Variants in RSBN1L observed in about 807,000 individuals in gnomAD.
The protein encoded by RSBN1L is round spermatid basic protein 1 like.
RSBN1L carries 30 observed loss-of-function variants against 67.7 expected under a neutral mutation model. That is an observed-to-expected ratio of 0.44 (90% CI 0.33 to 0.60). The LOEUF is 0.60. Ranked by LOEUF, RSBN1L falls within the 20% of genes least tolerant of loss-of-function variation. RSBN1L has a pLI of 0.02. For synonymous variants in RSBN1L, 433 were observed against 387.0 expected (o/e 1.12, Z -1.39); for missense variants, 992 against 1,031.7 (o/e 0.96, Z 0.53).
Position 77,768,642 on chromosome 7 carries a change from C to T in RSBN1L, c.1483-19C>T, listed in dbSNP as rs759287644. 11 of 1,602,010 alleles carry T rather than the reference C, an allele frequency of 6.9e-6. No individual in the cohort carries two copies. Among genetic ancestry groups the T allele is most frequent in the Middle Eastern group, 1.7e-4 (1 of 5,974 alleles). On this transcript the variant is annotated intron_variant, in intron 4 of 7. Coordinates refer to ENST00000334955, the MANE Select transcript of RSBN1L (RefSeq NM_198467.3). ...ACATTTTGAAAATAATTGCAATCTG[C>T]ATAATTATTTATCTCCAGTGTACAC...
chr7:77,776,338 C>T (rs1791914198), intron 6 of RSBN1L, among the ~76,000 whole-genome samples: 1 of 152,182 alleles, frequency 6.6e-6, no homozygotes, highest in Admixed American at 6.5e-5. Flanking sequence ...AGTATATTCA[C>T]AGAGTTATGC....
intron 1 of RSBN1L, among the ~76,000 whole-genome samples, chr7:77,706,065 AC>A: frequency 6.7e-6 from 1 of 148,812 alleles, no homozygotes; most frequent in South Asian, 2.1e-4. Flanking sequence ...TGCCCGCCTA[AC>A]TTTTTTATTT....
intron 1 of RSBN1L, among the ~76,000 whole-genome samples, chr7:77,713,724 A>G (rs1182458163): frequency 6.6e-6 from 1 of 151,422 alleles, no homozygotes; most frequent in East Asian, 1.9e-4. Context: ...GCTGATCTCA[A>G]ATTCCTGGCC....
rs1791998490 is a variant in RSBN1L, at chr7:77,781,586, TAAAG to T, written c.*2419_*2422del. On this transcript the variant is annotated 3_prime_UTR_variant, in exon 8 of 8. Coordinates refer to ENST00000334955, the MANE Select transcript of RSBN1L (RefSeq NM_198467.3). ...AATAGGAGCCTTAAACTTTTTAACT[TAAAG>T]GAAGGCATATCTAAAAACCATAGTG... 6.6e-6 allele frequency: 1 copy of T among 152,220 alleles called. No homozygotes were observed. Among genetic ancestry groups the T allele is most frequent in the South Asian group, 2.1e-4 (1 of 4,834 alleles). 9.4% of individuals were successfully genotyped at this position (152,220 alleles called of 1,614,324 possible).
At chr7:77,752,548 C>A (rs559226826) in intron 3 of RSBN1L, among the ~76,000 whole-genome samples, 1 of 152,264 alleles carries the variant, frequency 6.6e-6, no homozygotes, top group African/African-American at 2.4e-5. Context: ...CATGCTTCTT[C>A]TTGCACAGTT....
chr7:77,780,965 C>G lies in RSBN1L; in HGVS notation c.*1797C>G, dbSNP rs907740608. 1.3e-5 allele frequency: 2 copies of G among 152,234 alleles called. No homozygotes were observed. Among genetic ancestry groups the G allele is most frequent in the African/African-American group, 4.8e-5 (2 of 41,452 alleles). The allele number at this position is 152,234 out of a possible 1,614,324, so 9.4% of individuals were successfully genotyped here. A position where few individuals can be genotyped will look rare whatever the true frequency, so the allele number is the denominator to read the frequency against. On this transcript the variant is annotated 3_prime_UTR_variant, in exon 8 of 8. Transcript: ENST00000334955. ...TTTTTGGTATTATTCTGGGCACATA[C>G]TTTGGTTGATGACTTTCAATTGGGG...
intron 3 of RSBN1L, among the ~76,000 whole-genome samples, chr7:77,763,168 T>TTTA (rs1419930493): frequency 6.9e-6 from 1 of 145,908 alleles, no homozygotes; most frequent in African/African-American, 2.5e-5. Context: ...TTTTTTTTTT[T>TTTA]TGGTCTCGCT....
rs929478936 is a variant in RSBN1L, at chr7:77,779,578, A to T, written c.*410A>T. On this transcript the variant is annotated 3_prime_UTR_variant, in exon 8 of 8. Transcript: ENST00000334955. Reference sequence around the variant, plus strand: ...TTTAAATGTGTCAGCACTGTAGTGTAAATAGCTTTTAAATATCTTTTTAGT... The same window carrying T: ...TTTAAATGTGTCAGCACTGTAGTGTTAATAGCTTTTAAATATCTTTTTAGT... The T allele has an allele frequency of 2.0e-5, 3 of 151,440 alleles. No homozygotes were observed. The highest frequency in any genetic ancestry group is 7.3e-5 in the African/African-American group (3 of 41,244). 9.4% of individuals were successfully genotyped at this position (151,440 alleles called of 1,614,324 possible). A position where few individuals can be genotyped will look rare whatever the true frequency, so the allele number is the denominator to read the frequency against.
chr7:77,770,403 GGT>G (rs925185338), intron 5 of RSBN1L, among the ~76,000 whole-genome samples: 2 of 152,066 alleles, frequency 1.3e-5, no homozygotes, highest in Non-Finnish European at 2.9e-5. Flanking sequence ...AAATACGCCA[GGT>G]GCAGTGGCTC....
intron 3 of RSBN1L, among the ~76,000 whole-genome samples, chr7:77,754,209 TTAA>T (rs149686637): frequency 0.023 from 3,504 of 152,306 alleles, 52 homozygotes; most frequent in Non-Finnish European, 0.033. Context: ...AGCTTTATCA[TTAA>T]TCTCAATAAT....
In RSBN1L at chr7:77,725,244, C is replaced by CTTTTTTTTTTTTTTTTTTTTTTTTTTTT. The variant is rs779531960; in HGVS notation, c.587-11145_587-11144insTTTTTTTTTTTTTTTTTTTTTTTTTTTT. Reference sequence around the variant, plus strand: ...TTCTTCCCTAGGGATAAGCCCCCCACTTTTTTTTTTTTTTTTTTTTTGAGA... The same window carrying CTTTTTTTTTTTTTTTTTTTTTTTTTTTT: ...TTCTTCCCTAGGGATAAGCCCCCCACTTTTTTTTTTTTTTTTTTTTTTTTTTTTTTTTTTTTTTTTTTTTTTTTTGAGA... On this transcript the variant is annotated intron_variant, in intron 1 of 7. Transcript: ENST00000334955. Among the ~76,000 whole-genome samples the CTTTTTTTTTTTTTTTTTTTTTTTTTTTT allele has an allele frequency of 4.1e-4, 30 of 73,642 alleles. 1 individual carries two copies. Among genetic ancestry groups the CTTTTTTTTTTTTTTTTTTTTTTTTTTTT allele is most frequent in the South Asian group, 1.1e-3 (2 of 1,806 alleles). 48.3% of individuals were successfully genotyped at this position (73,642 alleles called of 152,430 possible). A position where few individuals can be genotyped will look rare whatever the true frequency, so the allele number is the denominator to read the frequency against.
chr7:77,725,056 C>G (rs1238114893), intron 1 of RSBN1L, among the ~76,000 whole-genome samples: 1 of 151,054 alleles, frequency 6.6e-6, no homozygotes, highest in Non-Finnish European at 1.5e-5. Flanking sequence ...GTTGGCCAGG[C>G]TGGTCTTGAA....
At chr7:77,760,776 C>T (rs979647234) in intron 3 of RSBN1L, among the ~76,000 whole-genome samples, 3 of 152,322 alleles carry the variant, frequency 2.0e-5, no homozygotes, top group East Asian at 3.9e-4. Flanking sequence ...GCTGGGATTA[C>T]AGGCACCTGC....
Position 77,736,484 on chromosome 7 carries a change from G to T in RSBN1L, c.661G>T (p.Glu221Ter). 7.9e-7 allele frequency: 1 copy of T among 1,266,558 alleles called. No individual in the cohort carries two copies. The highest frequency in any genetic ancestry group is 1.4e-5 in the South Asian group (1 of 72,522). 78.5% of individuals were successfully genotyped at this position (1,266,558 alleles called of 1,614,324 possible). ...REKKKHKVMN[E>*]IKKENGEVKI... ...AAAAAAGAAACATAAAGTAATGAAT[G>T]AGATCAAGAAAGAGAATGGAGAAGT... Residue 221 changes from glutamate to a stop codon, truncating the protein, a stop_gained, in exon 2 of 8, where the codon GAG becomes TAG. Transcript: ENST00000334955. LOFTEE classifies it high-confidence loss of function.
chr7:77,778,348 C>G lies in RSBN1L; in HGVS notation c.1804C>G (p.Pro602Ala), dbSNP rs767771922. Residue 602 changes from proline (P) to alanine (A), a missense_variant, in exon 7 of 8, where the codon CCC (proline) becomes GCC (alanine). Physicochemically the swap from Pro to Ala is conservative, Grantham distance 27 (BLOSUM62 -1). Coordinates refer to ENST00000334955, the MANE Select transcript of RSBN1L (RefSeq NM_198467.3). ...AVHCGEWPDQPRITKDVICFH... is the reference protein window; with the variant it reads ...AVHCGEWPDQARITKDVICFH... ...CGTTTTCTTTTTTAGGCCTGATCAA[C>G]CCCGTATAACCAAAGATGTAATTTG... The G allele has an allele frequency of 1.9e-6, 3 of 1,606,984 alleles. No individual in the cohort carries two copies. In the South Asian group the frequency reaches 3.4e-5, roughly 18 times the overall value.
intron 4 of RSBN1L, among the ~76,000 whole-genome samples, chr7:77,767,052 TCCC>T (rs1791776580): frequency 7.8e-6 from 1 of 128,788 alleles, no homozygotes; most frequent in African/African-American, 2.9e-5. Flanking sequence ...CCCTTCCCCT[TCCC>T]CTTCCCTTTC....
chr7:77,757,018 A>G (rs1451254652), intron 3 of RSBN1L, among the ~76,000 whole-genome samples: 2 of 152,200 alleles, frequency 1.3e-5, no homozygotes, highest in Non-Finnish European at 2.9e-5. Flanking sequence ...ATGAATTTGT[A>G]TCCTCATGAG....
chr7:77,749,605 C>T lies in RSBN1L; in HGVS notation c.885C>T (p.Ile295=), dbSNP rs1294305302. 6.2e-7 allele frequency: 1 copy of T among 1,613,788 alleles called. No homozygotes were observed. The highest frequency in any genetic ancestry group is 2.2e-5 in the East Asian group (1 of 44,864). ...TDVEDQAAKG[I]LNDNIKDYVG... is the part of the protein sequence containing the mutation. ...TTGAAGATCAAGCAGCCAAAGGCAT[C>T]CTAAATGATAACATAAAAGATTACG... is the stretch of plus-strand genomic sequence containing the variant. The change falls in exon 3 of 8, where the codon ATC becomes ATT. Residue 295 remains isoleucine, a synonymous_variant. Transcript: ENST00000334955.
rs1400715646 is a variant in RSBN1L at position 77,782,914 on chromosome 7, T to C, written c.*3746T>C. 23 of 152,218 alleles carry C rather than the reference T, an allele frequency of 1.5e-4. No individual in the cohort carries two copies. The highest frequency in any genetic ancestry group is 1.5e-3 in the Admixed American group (23 of 15,284). 9.4% of individuals were successfully genotyped at this position (152,218 alleles called of 1,614,324 possible). A position where few individuals can be genotyped will look rare whatever the true frequency, so the allele number is the denominator to read the frequency against. The stretch of plus-strand genomic sequence containing the variant: ...GGTTCATTGTCATGTAAAACAAATA[T>C]CTCAAAATTCATTTTACATTTAGCA... On this transcript the variant is annotated 3_prime_UTR_variant, in exon 8 of 8. Coordinates refer to ENST00000334955, the MANE Select transcript of RSBN1L (RefSeq NM_198467.3).
Sources: allele counts gnomAD v4.1 joint callset (sites outside exome capture counted in the v4.1 genomes callset), GRCh38; gene constraint gnomAD v4.1.1; transcripts MANE v1.5; gene names NCBI Gene and HGNC (gene_info 2026-07-23, HGNC 2026-07-21).